The following DNAH10 variants were observed in gnomAD, a reference collection of about 807,000 sequenced individuals.
DNAH10 encodes axonemal beta dynein heavy chain 10.
Under a neutral mutation model 506.6 loss-of-function variants are expected in DNAH10, and 348 were observed. That is an observed-to-expected ratio of 0.69 (90% confidence interval 0.63 to 0.75). DNAH10 has a LOEUF of 0.75. Among genes scored for constraint, DNAH10 ranks in the 30% least tolerant of loss-of-function variants. The probability of loss-of-function intolerance (pLI) is 0.00; values close to 1 mark genes in which losing one functional copy is unlikely to be tolerated. For synonymous variants in DNAH10, 2,059 were observed against 2,198.6 expected, an observed-to-expected ratio of 0.94 and a Z score of 1.78; for missense variants, 5,179 against 5,787.1, an observed-to-expected ratio of 0.89 and a Z score of 3.41.
intron 61 of DNAH10, 141 bp from the exon 62 acceptor site, chr12:123,914,711 G>C (rs1434733124): frequency 5.0e-6 from 7 of 1,406,580 alleles, no homozygotes; most frequent in Non-Finnish European, 5.7e-6. Flanking sequence ...ACCCAGCACG[G>C]AGCCCTTCTC....
intron 42 of DNAH10, 82 bp downstream of exon 42, chr12:123,867,683 A>C (rs369341842): frequency 1.9e-6 from 3 of 1,572,526 alleles, no homozygotes. Context: ...GGGAGTGAAG[A>C]TGCCAGACAG....
At chr12:123,927,716 T>G (rs1269594915) in intron 69 of DNAH10, 2 of 152,468 alleles carry the variant, frequency 1.3e-5, no homozygotes, top group Non-Finnish European at 2.9e-5. Context: ...CAGTCCTGGC[T>G]TTGCTATGAA....
chr12:123,806,381 G>C (rs947639795), intron 18 of DNAH10, among the ~76,000 whole-genome samples: 1 of 152,134 alleles, frequency 6.6e-6, no homozygotes, highest in Non-Finnish European at 1.5e-5. Context: ...TGACTCGTCC[G>C]GGACCACACA....
chr12:123,854,028 C>T (rs1395886568), intron 36 of DNAH10, among the ~76,000 whole-genome samples: 1 of 148,372 alleles, frequency 6.7e-6, no homozygotes, highest in Non-Finnish European at 1.5e-5. Context: ...GGAGAGGCTG[C>T]CACAAATCGC....
intron 23 of DNAH10, among the ~76,000 whole-genome samples, chr12:123,819,824 C>A (rs145591462): frequency 0.043 from 6,494 of 151,516 alleles, 182 homozygotes; most frequent in Non-Finnish European, 0.063. Flanking sequence ...CCTGCCTCAG[C>A]CTCCTGAGTA....
chr12:123,786,949 C>T (rs1957878712), intron 9 of DNAH10, among the ~76,000 whole-genome samples: 1 of 152,046 alleles, frequency 6.6e-6, no homozygotes, highest in Non-Finnish European at 1.5e-5. Flanking sequence ...ACCAGCCTGG[C>T]CAACATGGTG....
In DNAH10 at chr12:123,909,906, C is replaced by T. The variant is rs897926265; in HGVS notation, c.9997+464C>T. Among the ~76,000 whole-genome samples, 1 of 152,196 alleles carries T rather than the reference C, an allele frequency of 6.6e-6. No individual in the cohort carries two copies. The highest frequency in any genetic ancestry group is 1.9e-4 in the East Asian group (1 of 5,192). On this transcript the variant is annotated intron_variant, in intron 58 of 78. Transcript: ENST00000673944. The surrounding 1 kb of genome is among the most constrained non-coding windows in gnomAD (Gnocchi z 5.4). ...GGGCAGCATCACTGATGGCCAGCCT[C>T]TCCTCCATCTTTGGTTATAGGACTG...
rs376141626 is a variant in DNAH10, at chr12:123,914,567, G to A, written c.10574+17G>A. On this transcript the variant is annotated intron_variant, in intron 61 of 78. Transcript: ENST00000673944. ...GATCAGCAGGTGTGTGGCACCCTGA[G>A]CCAGCAGGAGGGAGGGGACACCTTA... 4.0e-5 allele frequency: 64 copies of A among 1,608,282 alleles called. No homozygotes were observed. Among genetic ancestry groups the A allele is most frequent in the Non-Finnish European group, 4.8e-5 (56 of 1,177,382 alleles).
chr12:123,848,267 G>A (rs561251462), intron 33 of DNAH10, among the ~76,000 whole-genome samples, 172 bp downstream of exon 33: 2 of 152,370 alleles, frequency 1.3e-5, no homozygotes, highest in African/African-American at 4.8e-5. Context: ...ACCCTGCTTT[G>A]TTAGCAGGAT....
chr12:123,912,446 TGGGGG>T, intron 59 of DNAH10, among the ~76,000 whole-genome samples: 2 of 52,868 alleles, frequency 3.8e-5, no homozygotes, highest in African/African-American at 2.0e-4. Flanking sequence ...GGGTCTGTCC[TGGGGG>T]GTCTGTCCTG....
intron 32 of DNAH10, among the ~76,000 whole-genome samples, chr12:123,847,143 T>TATCCATCC (rs57589181): frequency 0.025 from 3,566 of 144,888 alleles, 85 homozygotes; most frequent in Non-Finnish European, 0.031. Flanking sequence ...TCCATCTACA[T>TATCCATCC]ATCCATCCAT....
chr12:123,809,651 A>AAACAACAACAACAACAACAACAACAAC (rs146942558), intron 19 of DNAH10, among the ~76,000 whole-genome samples: 189 of 150,990 alleles, frequency 1.3e-3, no homozygotes, highest in Non-Finnish European at 1.9e-3. Flanking sequence ...CGTGTCTCTA[A>AAACAACAACAACAACAACAACAACAAC]AACAACAACA....
At chr12:123,933,815 G>A (rs1390413743) in intron 77 of DNAH10, among the ~76,000 whole-genome samples, 1 of 152,176 alleles carries the variant, frequency 6.6e-6, no homozygotes, top group Non-Finnish European at 1.5e-5. Context: ...ATTAGCTCTT[G>A]CAAAAACCAT....
chr12:123,847,303 C>A (rs1471507075), intron 32 of DNAH10, among the ~76,000 whole-genome samples: 1 of 142,842 alleles, frequency 7.0e-6, no homozygotes, highest in Non-Finnish European at 1.6e-5. Flanking sequence ...TCTCGATCAT[C>A]TATTTTATCT....
intron 65 of DNAH10, among the ~76,000 whole-genome samples, chr12:123,922,507 GA>G (rs1566108627): frequency 6.6e-6 from 1 of 152,164 alleles, no homozygotes; most frequent in Non-Finnish European, 1.5e-5. Flanking sequence ...CTCTTCTGCT[GA>G]GACACTGTAC....
chr12:123,781,007 C>A (rs531426101), intron 5 of DNAH10, 73 bp from the exon 6 acceptor site: 85 of 1,039,162 alleles, frequency 8.2e-5, no homozygotes, highest in South Asian at 3.1e-4. Flanking sequence ...ATATTCAAAA[C>A]CAGAGGCAAT....
intron 52 of DNAH10, 104 bp downstream of exon 52, chr12:123,887,417 G>A (rs2137124508): frequency 2.2e-6 from 3 of 1,347,218 alleles, no homozygotes. Flanking sequence ...GGGTAGCCCT[G>A]TGCGGGTGTA....
chr12:123,881,788 T>C lies in DNAH10; in HGVS notation c.8798T>C (p.Leu2933Pro). The change falls in exon 51 of 79, where the codon CTG becomes CCG. Residue 2933 changes from leucine to proline, a missense_variant. Coordinates refer to ENST00000673944, the MANE Select transcript of DNAH10 (RefSeq NM_001372106.1). ...GGSGKQSLSR[L>P]AAFTASCEVF... ...TCAGGGAAGCAGTCTCTTTCGAGGC[T>C]GGCTGCCTTCACAGCCAGCTGTGAG... 1 of 1,516,640 alleles carries C rather than the reference T, an allele frequency of 6.6e-7. No individual in the cohort carries two copies. Among genetic ancestry groups the C allele is most frequent in the South Asian group, 1.3e-5 (1 of 79,316 alleles). The allele number at this position is 1,516,640 out of a possible 1,614,324, so 93.9% of individuals were successfully genotyped here. A position where few individuals can be genotyped will look rare whatever the true frequency, so the allele number is the denominator to read the frequency against.
At position 123,846,350 on chromosome 12, in the gene DNAH10, C is replaced by G. The variant is rs1158939800; in HGVS notation, c.5814+196C>G. Among the ~76,000 whole-genome samples the G allele has an allele frequency of 6.6e-6, 1 of 152,216 alleles. No homozygotes were observed. Among genetic ancestry groups the G allele is most frequent in the African/African-American group, 2.4e-5 (1 of 41,456 alleles). ...GGCATGTAAGTGTGGCCGTGCTTAG[C>G]CACTGGTACACTGGTCCCTAGGTAA... On this transcript the variant is annotated intron_variant, in intron 32 of 78. Coordinates refer to ENST00000673944, the MANE Select transcript of DNAH10 (RefSeq NM_001372106.1). The surrounding 1 kb of genome is among the most constrained non-coding windows in gnomAD (Gnocchi z 4.5).
Sources: allele counts gnomAD v4.1 joint callset (sites outside exome capture counted in the v4.1 genomes callset), GRCh38; gene constraint gnomAD v4.1.1; non-coding constraint Gnocchi (gnomAD v3.1); transcripts MANE v1.5; gene names NCBI Gene and HGNC (gene_info 2026-07-23, HGNC 2026-07-21).